RABGAP1L: variants seen among roughly 807,000 people sequenced by gnomAD.
RABGAP1L encodes rab GTPase-activating protein 1-like.
RABGAP1L carries 63 observed loss-of-function variants against 137.7 expected under a neutral mutation model. That is an observed-to-expected ratio of 0.46 (90% CI 0.37 to 0.56). The LOEUF is 0.56. Ranked by LOEUF, RABGAP1L falls within the 20% of genes least tolerant of loss-of-function variation. The probability of loss-of-function intolerance (pLI) is 0.00; values close to 1 mark genes in which losing one functional copy is unlikely to be tolerated. For missense variants in RABGAP1L, 1,095 were observed against 1,244.0 expected, an observed-to-expected ratio of 0.88 and a Z score of 1.80; for synonymous variants, 431 against 433.7, an observed-to-expected ratio of 0.99 and a Z score of 0.08.
At chr1:174,841,111 G>A (rs1693348460) in intron 19 of RABGAP1L, among the ~76,000 whole-genome samples, 2 of 152,102 alleles carry the variant, frequency 1.3e-5, no homozygotes, top group Non-Finnish European at 1.5e-5. Flanking sequence ...AAGAGATCAA[G>A]TGGACAACAA....
intron 19 of RABGAP1L, among the ~76,000 whole-genome samples, chr1:174,816,875 C>T (rs934666587): frequency 3.3e-5 from 5 of 151,996 alleles, no homozygotes; most frequent in African/African-American, 4.8e-5. Context: ...GGACTACAGG[C>T]GTGCGCCACC....
In RABGAP1L at chr1:174,504,733, A is replaced by G. The variant is rs1179393370; in HGVS notation, c.1710+110588A>G. Among the ~76,000 whole-genome samples the G allele has an allele frequency of 5.3e-5, 8 of 152,340 alleles. No homozygotes were observed. The East Asian group carries it at 1.5e-3, about 29-fold the overall frequency. On this transcript the variant is annotated intron_variant, in intron 13 of 25. Transcript: ENST00000681986. ...ATATACAAAAATTCAAGTCAAAATGAAGACTTAAATGTAAAACCTGAAACT... is the reference window on the plus strand; with the variant it reads ...ATATACAAAAATTCAAGTCAAAATGGAGACTTAAATGTAAAACCTGAAACT...
rs78433539 is a variant in RABGAP1L at position 174,242,527 on chromosome 1, A to G, written c.717+870A>G. 9.5e-3 allele frequency among the ~76,000 whole-genome samples: 1,448 copies of G among 152,344 alleles called. 23 individuals carry two copies. The highest frequency in any genetic ancestry group is 0.033 in the African/African-American group (1,389 of 41,594). On this transcript the variant is annotated intron_variant, in intron 5 of 25. Coordinates refer to ENST00000681986, the MANE Select transcript of RABGAP1L (RefSeq NM_001366446.1). ...TCATGAAACATGAATAAATCATTCT[A>G]TTAACAGGAGTTTTGAGTTTATTTC...
chr1:174,614,400 G>A (rs116038620), intron 13 of RABGAP1L, among the ~76,000 whole-genome samples: 7,225 of 152,108 alleles, frequency 0.047, 277 homozygotes, highest in Non-Finnish European at 0.075. Flanking sequence ...CTCTCTTCTG[G>A]CTTCCCCCAC....
At position 174,871,034 on chromosome 1, in the gene RABGAP1L, C is replaced by T. The variant is rs541088983; in HGVS notation, c.2340+59074C>T. Among the ~76,000 whole-genome samples the T allele has an allele frequency of 1.5e-4, 23 of 148,508 alleles. 1 individual carries two copies. The South Asian group carries it at 1.9e-3, about 13-fold the overall frequency. ...GATTACAGGCATGAGCCACCACGCC[C>T]GGCCTATTATAACATTTTTAGTAAA... is the stretch of plus-strand genomic sequence containing the variant. On this transcript the variant is annotated intron_variant, in intron 19 of 25. Transcript: ENST00000681986.
At chr1:174,944,169 C>G (rs944443501) in intron 19 of RABGAP1L, among the ~76,000 whole-genome samples, 4 of 147,750 alleles carry the variant, frequency 2.7e-5, no homozygotes, top group African/African-American at 7.5e-5. Context: ...GCTACTTACT[C>G]GGGAGGCTGA....
chr1:174,955,732 T>C (rs1668419356), intron 19 of RABGAP1L, among the ~76,000 whole-genome samples: 1 of 152,172 alleles, frequency 6.6e-6, no homozygotes, highest in African/African-American at 2.4e-5. Flanking sequence ...GTTTGCAACA[T>C]AGCACGTTTG....
At chr1:174,749,730 C>T (rs190478439) in intron 17 of RABGAP1L, among the ~76,000 whole-genome samples, 149 of 152,222 alleles carry the variant, frequency 9.8e-4, no homozygotes, top group African/African-American at 3.3e-3. Flanking sequence ...TTCCTTTAGA[C>T]ATCCTAAAAA....
intron 19 of RABGAP1L, among the ~76,000 whole-genome samples, chr1:174,902,541 C>A (rs1244398030): frequency 6.6e-6 from 1 of 152,228 alleles, no homozygotes; most frequent in Non-Finnish European, 1.5e-5. Context: ...GTATTTAAAA[C>A]TCCTGGGTCT....
intron 3 of RABGAP1L, among the ~76,000 whole-genome samples, chr1:174,226,525 A>G (rs1385711783): frequency 6.6e-6 from 1 of 152,144 alleles, no homozygotes; most frequent in Non-Finnish European, 1.5e-5. Context: ...TATCACTTCA[A>G]TTTCACTGGT....
At chr1:174,881,976 C>T (rs1019389186) in intron 19 of RABGAP1L, among the ~76,000 whole-genome samples, 2 of 152,004 alleles carry the variant, frequency 1.3e-5, no homozygotes, top group Non-Finnish European at 2.9e-5. Context: ...ATTCTCTTGC[C>T]TCAGCCTCCT....
chr1:174,180,378 A>T (rs750950948), intron 1 of RABGAP1L, among the ~76,000 whole-genome samples: 6 of 152,226 alleles, frequency 3.9e-5, no homozygotes, highest in Non-Finnish European at 8.8e-5. Context: ...TGATACAATG[A>T]TAGTGATGCA....
chr1:174,308,467 A>G (rs555536163), intron 11 of RABGAP1L, among the ~76,000 whole-genome samples: 88 of 151,982 alleles, frequency 5.8e-4, no homozygotes, highest in African/African-American at 2.0e-3. Context: ...AACCAGTGTC[A>G]TGGAGCTGCT....
At chr1:174,350,714 C>G in intron 11 of RABGAP1L, among the ~76,000 whole-genome samples, 1 of 43,830 alleles carries the variant, frequency 2.3e-5, no homozygotes, top group African/African-American at 9.6e-5. Context: ...GCTGCAATCT[C>G]GGCACTTTGG....
chr1:174,677,253 T>C (rs573424811), intron 14 of RABGAP1L, among the ~76,000 whole-genome samples: 1 of 150,236 alleles, frequency 6.7e-6, no homozygotes, highest in Non-Finnish European at 1.5e-5. Flanking sequence ...GCCTGGGAGG[T>C]GGAGGCTTCA....
intron 13 of RABGAP1L, among the ~76,000 whole-genome samples, chr1:174,482,525 C>G (rs1659211637): frequency 6.6e-6 from 1 of 152,212 alleles, no homozygotes. Flanking sequence ...GAGTCTTGCT[C>G]TGTTGCCCAG....
intron 19 of RABGAP1L, among the ~76,000 whole-genome samples, chr1:174,855,398 G>A (rs1216153682): frequency 6.6e-6 from 1 of 152,168 alleles, no homozygotes; most frequent in East Asian, 1.9e-4. Context: ...GGAACACTAG[G>A]AATAACTGTA....
intron 13 of RABGAP1L, among the ~76,000 whole-genome samples, chr1:174,587,676 G>A (rs950873291): frequency 1.3e-5 from 2 of 151,880 alleles, no homozygotes; most frequent in South Asian, 2.1e-4. Context: ...CTCCATCAGG[G>A]TCAAGACACT....
intron 17 of RABGAP1L, among the ~76,000 whole-genome samples, chr1:174,711,316 A>C (rs528129587): frequency 6.6e-6 from 1 of 152,158 alleles, no homozygotes; most frequent in South Asian, 2.1e-4. Flanking sequence ...AGGGCTCCTC[A>C]AGTGCCGCCA....
Sources: gnomAD v4.1 joint callset for allele counts (sites outside exome capture counted in the v4.1 genomes callset) on GRCh38, gnomAD v4.1.1 for gene constraint, MANE v1.5 for transcripts, NCBI Gene and HGNC (gene_info 2026-07-23, HGNC 2026-07-21) for gene names.